MAML3: variants seen among roughly 807,000 people sequenced by gnomAD.
The protein encoded by MAML3 is mastermind like transcriptional coactivator 3, also known as mastermind-like protein 3.
MAML3 carries 27 observed loss-of-function variants against 101.9 expected under a neutral mutation model. That is an observed-to-expected ratio of 0.27 (90% CI 0.20 to 0.37). The LOEUF (loss-of-function observed/expected upper bound fraction) is 0.37. MAML3 is among the 10% of genes least tolerant of loss of function. The probability of loss-of-function intolerance (pLI) is 1.00; values close to 1 mark genes in which losing one functional copy is unlikely to be tolerated. For synonymous variants in MAML3, 501 were observed against 555.9 expected (o/e 0.90, Z 1.39); for missense variants, 1,316 against 1,444.9 (o/e 0.91, Z 1.45).
At chr4:139,980,052 A>G (rs1024595043) in intron 1 of MAML3, among the ~76,000 whole-genome samples, 6 of 152,132 alleles carry the variant, frequency 3.9e-5, no homozygotes, top group Non-Finnish European at 8.8e-5. Flanking sequence ...CTGGCCTGCT[A>G]CAGAGCTTCT....
intron 2 of MAML3, among the ~76,000 whole-genome samples, chr4:139,826,581 A>G (rs1232858419): frequency 6.6e-6 from 1 of 152,156 alleles, no homozygotes; most frequent in Non-Finnish European, 1.5e-5. Flanking sequence ...GCTCTCACAT[A>G]TTTCGAATGC....
intron 3 of MAML3, among the ~76,000 whole-genome samples, chr4:139,727,629 C>T (rs1210149275): frequency 6.6e-6 from 1 of 152,218 alleles, no homozygotes; most frequent in Non-Finnish European, 1.5e-5. Context: ...TTTCTAAGTT[C>T]TGTCTAACCT....
At chr4:140,047,637 T>C (rs926693224) in intron 1 of MAML3, among the ~76,000 whole-genome samples, 1 of 152,094 alleles carries the variant, frequency 6.6e-6, no homozygotes, top group African/African-American at 2.4e-5. Flanking sequence ...AAGCCAGTTT[T>C]ACAGGACTTG....
chr4:139,823,317 G>C (rs1230773832), intron 2 of MAML3, among the ~76,000 whole-genome samples: 2 of 152,188 alleles, frequency 1.3e-5, no homozygotes, highest in Non-Finnish European at 2.9e-5. Flanking sequence ...GGACTGCAGA[G>C]GCCAGCCCTC....
intron 1 of MAML3, among the ~76,000 whole-genome samples, chr4:139,932,680 T>C (rs1733425475): frequency 6.6e-6 from 1 of 152,204 alleles, no homozygotes; most frequent in Admixed American, 6.5e-5. Context: ...CAAATAAGTA[T>C]AATTAATTAA....
At chr4:139,913,442 T>C (rs1732968650) in intron 1 of MAML3, among the ~76,000 whole-genome samples, 1 of 152,230 alleles carries the variant, frequency 6.6e-6, no homozygotes. Context: ...ACTTTGGTCT[T>C]TGTCCTAAGT....
At chr4:139,927,081 T>TC (rs1267951216) in intron 1 of MAML3, among the ~76,000 whole-genome samples, 1 of 150,240 alleles carries the variant, frequency 6.7e-6, no homozygotes, top group African/African-American at 2.4e-5. Context: ...TCTTTTTTTT[T>TC]TTTTTGTACT....
At chr4:139,983,619 G>A (rs752975482) in intron 1 of MAML3, among the ~76,000 whole-genome samples, 1 of 152,154 alleles carries the variant, frequency 6.6e-6, no homozygotes, top group Non-Finnish European at 1.5e-5. Context: ...TTTCCTTTGA[G>A]CTTCATGTCA....
chr4:140,006,117 T>C (rs1726439868), intron 1 of MAML3, among the ~76,000 whole-genome samples: 1 of 152,192 alleles, frequency 6.6e-6, no homozygotes, highest in East Asian at 1.9e-4. Context: ...TTTCCAGATT[T>C]AAGTGGACTT....
chr4:139,720,975 G>A (rs1378607481), intron 4 of MAML3, among the ~76,000 whole-genome samples: 2 of 152,092 alleles, frequency 1.3e-5, no homozygotes, highest in South Asian at 2.1e-4. Context: ...GACATTTTTC[G>A]GATCCACTCT....
At chr4:139,775,751 C>T (rs1206415920) in intron 2 of MAML3, among the ~76,000 whole-genome samples, 1 of 152,194 alleles carries the variant, frequency 6.6e-6, no homozygotes, top group African/African-American at 2.4e-5. Flanking sequence ...CAAACTGTTG[C>T]TATCATCTGC....
At chr4:139,815,180 G>A (rs1395497469) in intron 2 of MAML3, among the ~76,000 whole-genome samples, 1 of 152,190 alleles carries the variant, frequency 6.6e-6, no homozygotes, top group African/African-American at 2.4e-5. Flanking sequence ...TCTGGAACTT[G>A]GTGTCCACTT....
intron 2 of MAML3, among the ~76,000 whole-genome samples, chr4:139,747,123 C>T (rs1235758099): frequency 6.6e-6 from 1 of 152,184 alleles, no homozygotes; most frequent in East Asian, 1.9e-4. Context: ...AAGCCCTGTC[C>T]TCAGAATGTG....
At chr4:139,849,244 G>A (rs76357915) in intron 2 of MAML3, among the ~76,000 whole-genome samples, 1 of 152,158 alleles carries the variant, frequency 6.6e-6, no homozygotes, top group Non-Finnish European at 1.5e-5. Context: ...TACTTGAATT[G>A]CTGTGTAGGT....
intron 1 of MAML3, among the ~76,000 whole-genome samples, chr4:140,016,614 C>T (rs1035673451): frequency 3.9e-5 from 6 of 152,016 alleles, no homozygotes; most frequent in African/African-American, 1.5e-4. Flanking sequence ...GAATAGAGAA[C>T]CCAGAGATAG....
chr4:139,893,185 T>C (rs1247123638), intron 1 of MAML3, among the ~76,000 whole-genome samples: 2 of 152,180 alleles, frequency 1.3e-5, no homozygotes, highest in Non-Finnish European at 2.9e-5. Context: ...GCATTGTCCA[T>C]GTTGTTTTGT....
chr4:140,067,771 C>T (rs995406931), intron 1 of MAML3, among the ~76,000 whole-genome samples: 8 of 149,294 alleles, frequency 5.4e-5, no homozygotes, highest in South Asian at 4.2e-4. Context: ...CTCCTGTTGC[C>T]CAGGCTGGCT....
At chr4:140,130,345 C>T (rs930805212) in intron 1 of MAML3, among the ~76,000 whole-genome samples, 3 of 152,100 alleles carry the variant, frequency 2.0e-5, no homozygotes, top group Admixed American at 6.6e-5. Flanking sequence ...TTTCTCACCC[C>T]CATAATTTTA....
intron 2 of MAML3, among the ~76,000 whole-genome samples, chr4:139,788,459 C>G (rs1156388839): frequency 1.3e-5 from 2 of 152,168 alleles, no homozygotes; most frequent in East Asian, 3.8e-4. Context: ...TTCTTTTCTC[C>G]TCGCTGTCTC....
Sources: allele counts gnomAD v4.1 joint callset (sites outside exome capture counted in the v4.1 genomes callset), GRCh38; gene constraint gnomAD v4.1.1; transcripts MANE v1.5; gene names NCBI Gene and HGNC (gene_info 2026-07-23, HGNC 2026-07-21).